Variants in SHROOM3 observed in about 807,000 individuals in gnomAD.
SHROOM3 encodes shroom family member 3, also known as protein Shroom3.
A neutral mutation model predicts 138.6 loss-of-function variants in SHROOM3; 47 were observed. The ratio of observed to expected loss-of-function variants is 0.34; its 90% CI spans 0.27 to 0.43. The LOEUF is 0.43. Among genes scored for constraint, SHROOM3 ranks in the 20% least tolerant of loss-of-function variants. The probability of loss-of-function intolerance (pLI) is 1.00; values close to 1 mark genes in which losing one functional copy is unlikely to be tolerated. For synonymous variants in SHROOM3, 1,062 were observed against 1,063.3 expected, an observed-to-expected ratio of 1.00 and a Z score of 0.02; for missense variants, 2,491 against 2,596.5, an observed-to-expected ratio of 0.96 and a Z score of 0.88.
intron 1 of SHROOM3, among the ~76,000 whole-genome samples, chr4:76,438,156 A>T (rs1304078015): frequency 6.6e-6 from 1 of 152,244 alleles, no homozygotes; most frequent in Non-Finnish European, 1.5e-5. Context: ...ACAATAATAT[A>T]GGAATTTATT....
intron 4 of SHROOM3, among the ~76,000 whole-genome samples, chr4:76,738,006 C>T (rs1721127924): frequency 6.6e-6 from 1 of 152,096 alleles, no homozygotes; most frequent in Non-Finnish European, 1.5e-5. Flanking sequence ...AAATCTTGCC[C>T]TCCTAAATGT....
chr4:76,441,086 G>GTTTTTC (rs1730660817), intron 1 of SHROOM3, among the ~76,000 whole-genome samples: 1 of 82,182 alleles, frequency 1.2e-5, no homozygotes, highest in Admixed American at 2.0e-4. Flanking sequence ...AGTTCAATTT[G>GTTTTTC]TTTTTTTTTT....
At chr4:76,527,026 G>A (rs1560534279) in intron 1 of SHROOM3, among the ~76,000 whole-genome samples, 1 of 152,166 alleles carries the variant, frequency 6.6e-6, no homozygotes, top group Non-Finnish European at 1.5e-5. Flanking sequence ...ATCGGAGGCA[G>A]AGAGCTGTTG....
intron 2 of SHROOM3, among the ~76,000 whole-genome samples, chr4:76,622,231 C>G (rs1274982086): frequency 6.6e-6 from 1 of 152,078 alleles, no homozygotes; most frequent in African/African-American, 2.4e-5. Context: ...CCCCTAGGCA[C>G]TTTTTCTTTG....
intron 1 of SHROOM3, among the ~76,000 whole-genome samples, chr4:76,480,539 G>A (rs1283134408): frequency 6.6e-6 from 1 of 152,058 alleles, no homozygotes; most frequent in Non-Finnish European, 1.5e-5. Context: ...AATAATAGTG[G>A]GAGACTTTAA....
At chr4:76,681,998 C>G (rs1287512350) in intron 2 of SHROOM3, among the ~76,000 whole-genome samples, 2 of 152,088 alleles carry the variant, frequency 1.3e-5, no homozygotes, top group Non-Finnish European at 2.9e-5. Flanking sequence ...TTCATCTTGC[C>G]CTACATAACA....
chr4:76,438,154 A>G (rs1237207507), intron 1 of SHROOM3, among the ~76,000 whole-genome samples: 2 of 152,356 alleles, frequency 1.3e-5, no homozygotes, highest in African/African-American at 4.8e-5. Flanking sequence ...TAACAATAAT[A>G]TAGGAATTTA....
At chr4:76,619,225 T>G (rs1013186837) in intron 2 of SHROOM3, among the ~76,000 whole-genome samples, 1 of 152,210 alleles carries the variant, frequency 6.6e-6, no homozygotes, top group African/African-American at 2.4e-5. Context: ...AATATAATCC[T>G]CCTTGTTTTC....
intron 1 of SHROOM3, among the ~76,000 whole-genome samples, chr4:76,508,743 T>A (rs1357011605): frequency 6.6e-6 from 1 of 152,210 alleles, no homozygotes; most frequent in East Asian, 1.9e-4. Flanking sequence ...TTTCATGGTT[T>A]TCAGTGTATA....
At chr4:76,734,984 T>G (rs1396169120) in intron 4 of SHROOM3, among the ~76,000 whole-genome samples, 1 of 152,110 alleles carries the variant, frequency 6.6e-6, no homozygotes, top group African/African-American at 2.4e-5. Context: ...CTCCGGGTGG[T>G]GGGAGCAGTG....
At chr4:76,762,294 C>T (rs1391147388) in intron 9 of SHROOM3, among the ~76,000 whole-genome samples, 1 of 152,146 alleles carries the variant, frequency 6.6e-6, no homozygotes, top group Non-Finnish European at 1.5e-5. Context: ...GTGTTTAAGG[C>T]AATGTCATGT....
At chr4:76,437,093 C>A (rs1194461864) in intron 1 of SHROOM3, among the ~76,000 whole-genome samples, 2 of 152,130 alleles carry the variant, frequency 1.3e-5, no homozygotes, top group Non-Finnish European at 2.9e-5. Flanking sequence ...GTTCAGGTTA[C>A]TTTTCATATC....
At chr4:76,657,197 CTCTCTCTA>C (rs1736083572) in intron 2 of SHROOM3, among the ~76,000 whole-genome samples, 1 of 148,832 alleles carries the variant, frequency 6.7e-6, no homozygotes, top group Non-Finnish European at 1.5e-5. Flanking sequence ...CTCGCTCTCT[CTCTCTCTA>C]TATATATATA....
intron 2 of SHROOM3, among the ~76,000 whole-genome samples, chr4:76,697,100 T>C (rs1318524482): frequency 1.3e-5 from 2 of 150,730 alleles, no homozygotes; most frequent in Non-Finnish European, 3.0e-5. Context: ...TTTTTTTTTT[T>C]TTTTTTGGTA....
chr4:76,515,384 T>G (rs919488292), intron 1 of SHROOM3, among the ~76,000 whole-genome samples: 19 of 149,958 alleles, frequency 1.3e-4, no homozygotes, highest in African/African-American at 4.4e-4. Flanking sequence ...AGAACTTGTC[T>G]GAAAAAAAAA....
At chr4:76,513,329 TG>T (rs923585861) in intron 1 of SHROOM3, among the ~76,000 whole-genome samples, 28 of 136,178 alleles carry the variant, frequency 2.1e-4, no homozygotes, top group African/African-American at 7.5e-4. Context: ...GAAAATAATA[TG>T]TTTTTTTTTT....
At chr4:76,523,798 C>T (rs1732619176) in intron 1 of SHROOM3, among the ~76,000 whole-genome samples, 1 of 152,154 alleles carries the variant, frequency 6.6e-6, no homozygotes, top group South Asian at 2.1e-4. Flanking sequence ...GTGTCAGAGT[C>T]AGCAGCAGGG....
In SHROOM3 at chr4:76,740,425, C is replaced by T; in HGVS notation, c.2252C>T (p.Pro751Leu). 6 of 1,612,982 alleles carry T rather than the reference C, an allele frequency of 3.7e-6. No homozygotes were observed. Among genetic ancestry groups the T allele is most frequent in the Non-Finnish European group, 5.1e-6 (6 of 1,179,762 alleles). ...GAAGAGCCGCCTGCCCCCTCGCACC[C>T]GCACACATCCAGTCTGGGCCGGAGG... The part of the protein sequence containing the change: ...SPEEPPAPSH[P>L]HTSSLGRRGP... Residue 751 changes from proline to leucine, a missense_variant, in exon 5 of 11, where the codon CCG becomes CTG. Physicochemically the swap from Pro to Leu is moderately conservative, Grantham distance 98. This residue lies in a region of SHROOM3 where 1,733 missense variants were observed against 1,661.6 expected (regional missense o/e 1.04). Transcript: ENST00000296043. The surrounding 1 kb of genome is among the most constrained non-coding windows in gnomAD (Gnocchi z 4.0).
In SHROOM3 at chr4:76,757,512, A is replaced by G. The variant is rs142121150; in HGVS notation, c.5198+575A>G. On this transcript the variant is annotated intron_variant, in intron 8 of 10. Transcript: ENST00000296043. ...CAAGTGGAAGTGGTGAGCGTGGCCA[A>G]CGTCTTGCCAAGACTGAGAGGGGAA... 3.4e-3 allele frequency among the ~76,000 whole-genome samples: 518 copies of G among 152,310 alleles called. 4 individuals carry two copies. Among genetic ancestry groups the G allele is most frequent in the African/African-American group, 0.011 (469 of 41,590 alleles).
Sources: allele counts gnomAD v4.1 joint callset (sites outside exome capture counted in the v4.1 genomes callset), GRCh38; gene constraint gnomAD v4.1.1; regional missense constraint gnomAD v4.1.1; non-coding constraint Gnocchi (gnomAD v3.1); transcripts MANE v1.5; gene names NCBI Gene and HGNC (gene_info 2026-07-23, HGNC 2026-07-21).